TDRD1: variants seen among roughly 807,000 people sequenced by gnomAD.
TDRD1 encodes the protein tudor domain containing 1, also known as tudor domain-containing protein 1.
Under a neutral mutation model 140.6 loss-of-function variants are expected in TDRD1, and 37 were observed. That is an observed-to-expected ratio of 0.26 (90% CI 0.20 to 0.35). TDRD1 has a LOEUF of 0.35. TDRD1 is among the 10% of genes least tolerant of loss of function. The probability of loss-of-function intolerance (pLI) is 1.00; values close to 1 mark genes in which losing one functional copy is unlikely to be tolerated. For missense variants in TDRD1, 1,243 were observed against 1,393.0 expected (o/e 0.89, Z 1.71); for synonymous variants, 506 against 475.7 (o/e 1.06, Z -0.83).
chr10:114,181,797 G>A (rs913581218), intron 1 of TDRD1, among the ~76,000 whole-genome samples: 8 of 148,390 alleles, frequency 5.4e-5, no homozygotes, highest in Admixed American at 2.7e-4. Flanking sequence ...GTGAGCCGGA[G>A]ATCATGCCGC....
exon 26 of TDRD1, chr10:114,231,829 G>A (rs537938849): frequency 4.5e-5 from 12 of 266,046 alleles, no homozygotes; most frequent in Admixed American, 5.6e-5. Flanking sequence ...AGTGGCTCAC[G>A]CCCAGCACTT....
At chr10:114,184,185 A>G (rs561498992) in intron 1 of TDRD1, among the ~76,000 whole-genome samples, 2 of 141,908 alleles carry the variant, frequency 1.4e-5, no homozygotes, top group East Asian at 4.0e-4. Context: ...TTTTTTTTTT[A>G]CTATAAATAG....
chr10:114,203,648 T>TGC, intron 8 of TDRD1, 81 bp downstream of exon 8: 1 of 1,282,014 alleles, frequency 7.8e-7, no homozygotes, highest in Non-Finnish European at 1.1e-6. Context: ...CTTTTAATGA[T>TGC]GCATGACAAG....
intron 10 of TDRD1, 116 bp from the exon 11 acceptor site, chr10:114,206,128 A>G (rs2133010434): frequency 1.3e-6 from 1 of 750,756 alleles, no homozygotes; most frequent in Non-Finnish European, 2.2e-6. Context: ...ACATATACCA[A>G]CCTATTAATA....
At chr10:114,227,259 A>C in exon 23 of TDRD1, 1 of 1,613,988 alleles carries the variant, frequency 6.2e-7, no homozygotes, top group South Asian at 1.1e-5. Flanking sequence ...TTGGTCTGGC[A>C]AAAAACATCA....
chr10:114,232,093 C>T (rs1222035780), exon 26 of TDRD1: 2 of 152,160 alleles, frequency 1.3e-5, no homozygotes, highest in South Asian at 2.1e-4. Context: ...ACTCAGAGGT[C>T]ATCAATTTCT....
At chr10:114,220,807 A>C (rs761516853) in exon 19 of TDRD1, 1 of 1,612,346 alleles carries the variant, frequency 6.2e-7, no homozygotes, top group South Asian at 1.1e-5. Flanking sequence ...ACTTGTTAAT[A>C]AACATGAGCT....
At chr10:114,228,653 A>T in intron 25 of TDRD1, 7 of 985,432 alleles carry the variant, frequency 7.1e-6, no homozygotes, top group Non-Finnish European at 8.4e-6. Flanking sequence ...GGCTGTGGTG[A>T]TTCTAGTGTC....
At chr10:114,220,887 T>C in intron 19 of TDRD1, 44 bp downstream of exon 19, 1 of 1,454,900 alleles carries the variant, frequency 6.9e-7, no homozygotes, top group Non-Finnish European at 9.4e-7. Context: ...TGTTATTCTT[T>C]GCTCTCAGAG....
At chr10:114,198,080 T>TC (rs2034491960) in intron 3 of TDRD1, among the ~76,000 whole-genome samples, 1 of 152,266 alleles carries the variant, frequency 6.6e-6, no homozygotes, top group South Asian at 2.1e-4. Flanking sequence ...GATATTCAAC[T>TC]CGGGGGCTCT....
intron 5 of TDRD1, 97 bp downstream of exon 5, chr10:114,201,612 G>A: frequency 2.1e-6 from 2 of 959,070 alleles, no homozygotes; most frequent in Non-Finnish European, 3.1e-6. Context: ...CCAAGTAGAA[G>A]TTACTTTTTC....
intron 16 of TDRD1, 40 bp from the exon 17 acceptor site, chr10:114,217,505 T>C (rs764697302): frequency 1.2e-5 from 13 of 1,119,526 alleles, no homozygotes; most frequent in Non-Finnish European, 1.7e-5. Flanking sequence ...GTTTATTTTT[T>C]AATATGTTCT....
intron 1 of TDRD1, among the ~76,000 whole-genome samples, chr10:114,184,981 C>T (rs1431394426): frequency 6.6e-6 from 1 of 152,036 alleles, no homozygotes; most frequent in African/African-American, 2.4e-5. Flanking sequence ...AAGGAATATT[C>T]TTGGTTGTAT....
At chr10:114,203,239 C>T (rs1290817458) in intron 7 of TDRD1, 63 bp downstream of exon 7, 4 of 1,511,300 alleles carry the variant, frequency 2.6e-6, no homozygotes, top group Middle Eastern at 2.0e-4. Context: ...TTCTCGTTTC[C>T]TATTTTTGAG....
At chr10:114,206,607 G>GTTTTTTTTT (rs1299669109) in intron 11 of TDRD1, among the ~76,000 whole-genome samples, 1 of 138,128 alleles carries the variant, frequency 7.2e-6, no homozygotes. Flanking sequence ...TAGAGTTAGG[G>GTTTTTTTTT]TTTGTTTTTT....
At chr10:114,178,197 A>T (rs902822830), upstream of TDRD1, among the ~76,000 whole-genome samples, 7 of 152,170 alleles carry the variant, frequency 4.6e-5, no homozygotes, top group African/African-American at 1.7e-4. Context: ...AAATAAATTT[A>T]AAAGACACAT....
chr10:114,202,724 T>A (rs916555179), intron 6 of TDRD1, among the ~76,000 whole-genome samples: 1 of 152,262 alleles, frequency 6.6e-6, no homozygotes, highest in South Asian at 2.1e-4. Context: ...TAACTGCTTC[T>A]AGCCTCTACT....
rs775038438 is a variant in TDRD1 at position 114,227,964 on chromosome 10, A to C, written c.3450+8A>C. The C allele has an allele frequency of 6.2e-7, 1 of 1,612,758 alleles. No individual in the cohort carries two copies. The highest frequency in any genetic ancestry group is 1.3e-5 in the African/African-American group (1 of 74,886). On this transcript the variant is annotated splice_region_variant and intron_variant, in intron 24 of 25. Transcript: ENST00000251864. ...ACAGAGTTACAGAAACAAGTAGGTA[A>C]AATTTCCTTTAAGTGAAATTATACT...
At chr10:114,181,456 T>C (rs2033056741) in intron 1 of TDRD1, among the ~76,000 whole-genome samples, 1 of 152,206 alleles carries the variant, frequency 6.6e-6, no homozygotes, top group Non-Finnish European at 1.5e-5. Flanking sequence ...AATCACAGTA[T>C]TATGCCATAG....
Sources: allele counts gnomAD v4.1 joint callset (sites outside exome capture counted in the v4.1 genomes callset), GRCh38; gene constraint gnomAD v4.1.1; transcripts MANE v1.5; gene names NCBI Gene and HGNC (gene_info 2026-07-23, HGNC 2026-07-21).